The following CSMD1 variants were observed in gnomAD, a reference collection of about 807,000 sequenced individuals.
CSMD1 encodes CUB and sushi domain-containing protein 1.
In CSMD1, 213 loss-of-function variants were observed where a neutral mutation model predicts 417.5. The ratio of observed to expected loss-of-function variants is 0.51; its 90% CI spans 0.46 to 0.57. The LOEUF (loss-of-function observed/expected upper bound fraction) is 0.57. Ranked by LOEUF, CSMD1 falls within the 20% of genes least tolerant of loss-of-function variation. CSMD1 has a pLI of 0.00. For missense variants in CSMD1, 6,923 were observed against 4,529.7 expected (o/e 1.53, Z -15.17); for synonymous variants, 2,862 against 1,736.8 (o/e 1.65, Z -16.11).
intron 3 of CSMD1, among the ~76,000 whole-genome samples, chr8:4,071,601 T>G (rs1275407569): frequency 6.6e-6 from 1 of 152,176 alleles, no homozygotes; most frequent in African/African-American, 2.4e-5. Context: ...GTCTCAGTTT[T>G]GGGGGCCTTT....
At chr8:3,794,905 C>A (rs1425276840) in intron 5 of CSMD1, among the ~76,000 whole-genome samples, 1 of 151,682 alleles carries the variant, frequency 6.6e-6, no homozygotes, top group Non-Finnish European at 1.5e-5. Flanking sequence ...GTAATGGTTT[C>A]CTACCCATTT....
At chr8:4,283,865 C>A (rs1198101568) in intron 3 of CSMD1, among the ~76,000 whole-genome samples, 3 of 152,168 alleles carry the variant, frequency 2.0e-5, no homozygotes. Context: ...ATGTGCTGAC[C>A]TCCAGGTCTT....
In CSMD1 at chr8:4,766,208, G is replaced by A. The variant is rs79131424; in HGVS notation, c.86-128650C>T. ...TGAACATATGTTGCCTACTAACAGA[G>A]CATGTGCTGGTGCGTTGGCAACAAG... On this transcript the variant is annotated intron_variant, in intron 1 of 69. Coordinates refer to ENST00000635120, the MANE Select transcript of CSMD1 (RefSeq NM_033225.6). Among the ~76,000 whole-genome samples, 13 of 152,270 alleles carry A rather than the reference G, an allele frequency of 8.5e-5. No individual in the cohort carries two copies. The East Asian group carries it at 2.5e-3, about 30-fold the overall frequency.
intron 8 of CSMD1, among the ~76,000 whole-genome samples, chr8:3,607,075 T>A (rs983482468): frequency 6.6e-6 from 1 of 152,214 alleles, no homozygotes; most frequent in East Asian, 1.9e-4. Context: ...CACAAACACA[T>A]AGTACAGCTG....
At chr8:3,815,408 G>C (rs968439275) in intron 5 of CSMD1, among the ~76,000 whole-genome samples, 3 of 152,084 alleles carry the variant, frequency 2.0e-5, no homozygotes, top group Admixed American at 6.6e-5. Context: ...AATGAATTGA[G>C]ATTAATTATA....
chr8:3,306,323 G>C (rs1161852902), intron 25 of CSMD1, among the ~76,000 whole-genome samples: 2 of 152,174 alleles, frequency 1.3e-5, no homozygotes, highest in Admixed American at 6.5e-5. Flanking sequence ...ACAGGTGTGT[G>C]CCACCATGCC....
In CSMD1 at chr8:3,025,453, C is replaced by CTTCTGAAACCGTGTATTGTGTGGTGTTA. The variant is rs1486253921; in HGVS notation, c.7855+3865_7855+3866insTAACACCACACAATACACGGTTTCAGAA. ...CTGAAACCGTGTATTGTGTGGTGTT[C>CTTCTGAAACCGTGTATTGTGTGGTGTTA]TTCTGAAACTGTGTATTGTGTGGTG... On this transcript the variant is annotated intron_variant, in intron 51 of 69. Coordinates refer to ENST00000635120, the MANE Select transcript of CSMD1 (RefSeq NM_033225.6). 8.4e-4 allele frequency among the ~76,000 whole-genome samples: 93 copies of CTTCTGAAACCGTGTATTGTGTGGTGTTA among 110,496 alleles called. 1 individual carries two copies. The highest frequency in any genetic ancestry group is 7.1e-4 in the Non-Finnish European group (36 of 50,548). The allele number at this position is 110,496 out of a possible 152,430, so 72.5% of individuals were successfully genotyped here. A position where few individuals can be genotyped will look rare whatever the true frequency, so the allele number is the denominator to read the frequency against.
At chr8:4,025,242 C>T (rs759445848) in intron 4 of CSMD1, among the ~76,000 whole-genome samples, 28 of 152,130 alleles carry the variant, frequency 1.8e-4, no homozygotes, top group Non-Finnish European at 3.7e-4. Context: ...TTTCTAAATA[C>T]AAATATTTAC....
intron 5 of CSMD1, among the ~76,000 whole-genome samples, chr8:3,942,998 G>A (rs948663252): frequency 7.2e-5 from 11 of 152,030 alleles, no homozygotes; most frequent in South Asian, 2.1e-4. Flanking sequence ...CTAAGGGGAG[G>A]TCTAAATTAT....
chr8:4,394,618 C>T (rs1485300709), intron 3 of CSMD1, among the ~76,000 whole-genome samples: 1 of 152,066 alleles, frequency 6.6e-6, no homozygotes, highest in Admixed American at 6.6e-5. Context: ...GAGATGTTGT[C>T]ATTAGGGCTG....
At chr8:4,466,331 G>C (rs936300928) in intron 2 of CSMD1, among the ~76,000 whole-genome samples, 21 of 151,988 alleles carry the variant, frequency 1.4e-4, no homozygotes, top group African/African-American at 4.8e-4. Flanking sequence ...AGAAAGAAAG[G>C]GAAGAAAAGT....
intron 5 of CSMD1, among the ~76,000 whole-genome samples, chr8:3,920,967 G>A (rs964306949): frequency 1.3e-5 from 2 of 152,044 alleles, no homozygotes; most frequent in African/African-American, 2.4e-5. Context: ...ATGACATGAG[G>A]GTACTGCTGG....
chr8:4,562,666 G>A (rs2950160), intron 2 of CSMD1, among the ~76,000 whole-genome samples: 1 of 151,954 alleles, frequency 6.6e-6, no homozygotes, highest in Non-Finnish European at 1.5e-5. Flanking sequence ...TCCAACTCAA[G>A]AGCAAGTCAC....
chr8:3,852,871 G>C (rs971239903), intron 5 of CSMD1, among the ~76,000 whole-genome samples: 3 of 151,976 alleles, frequency 2.0e-5, no homozygotes, highest in African/African-American at 7.3e-5. Flanking sequence ...AATCCCTCCA[G>C]CATCCACGCA....
intron 8 of CSMD1, 125 bp from the exon 9 acceptor site, chr8:3,586,385 G>A (rs1459174839): frequency 4.5e-6 from 4 of 880,374 alleles, no homozygotes; most frequent in East Asian, 2.7e-5. Context: ...AAGACATTAA[G>A]CAACTCATTA....
chr8:4,079,932 C>T (rs1358551480), intron 3 of CSMD1, among the ~76,000 whole-genome samples: 1 of 151,222 alleles, frequency 6.6e-6, no homozygotes, highest in African/African-American at 2.4e-5. Context: ...TTCTCAGTGT[C>T]TTCTCATGGA....
intron 5 of CSMD1, among the ~76,000 whole-genome samples, chr8:3,854,013 AAAT>A (rs1804113387): frequency 6.8e-6 from 1 of 146,276 alleles, no homozygotes; most frequent in African/African-American, 2.5e-5. Context: ...ATAACATATA[AAAT>A]ATTATAAATA....
At chr8:4,438,701 A>G (rs1798288278) in intron 2 of CSMD1, among the ~76,000 whole-genome samples, 1 of 152,246 alleles carries the variant, frequency 6.6e-6, no homozygotes, top group South Asian at 2.1e-4. Context: ...TGCGGCCTTC[A>G]TACTCAGTTG....
chr8:3,832,737 C>A (rs993324070), intron 5 of CSMD1, among the ~76,000 whole-genome samples: 2 of 152,138 alleles, frequency 1.3e-5, no homozygotes, highest in Admixed American at 6.6e-5. Flanking sequence ...ACCATGATGA[C>A]TTCTGATAAC....
Sources: gnomAD v4.1 joint callset for allele counts (sites outside exome capture counted in the v4.1 genomes callset) on GRCh38, gnomAD v4.1.1 for gene constraint, MANE v1.5 for transcripts, NCBI Gene and HGNC (gene_info 2026-07-23, HGNC 2026-07-21) for gene names.